Variants in ROCK2 observed in about 807,000 individuals in gnomAD.
The protein encoded by ROCK2 is rho-associated protein kinase 2.
In ROCK2, 61 loss-of-function variants were observed where a neutral mutation model predicts 195.1. The ratio of observed to expected loss-of-function variants is 0.31; its 90% confidence interval spans 0.25 to 0.39. ROCK2 has a LOEUF of 0.39. Among genes scored for constraint, ROCK2 ranks in the 10% least tolerant of loss-of-function variants. ROCK2 has a pLI of 1.00. For synonymous variants in ROCK2, 504 were observed against 545.5 expected, an observed-to-expected ratio of 0.92 and a Z score of 1.06; for missense variants, 1,109 against 1,637.4, an observed-to-expected ratio of 0.68 and a Z score of 5.57.
Position 11,192,593 on chromosome 2 carries a change from A to G in ROCK2, c.3807T>C (p.His1269=), listed in dbSNP as rs1663470590. ...KGHEFIPTLY[H]FPTNCEACMK... ...TACAAGCCTCACAGTTGGTTGGGAAATGATAAAGAGTAGGAATAAACTCAT... is the reference window on the plus strand; with the variant it reads ...TACAAGCCTCACAGTTGGTTGGGAAGTGATAAAGAGTAGGAATAAACTCAT... The change falls in exon 31 of 33, where the codon CAT becomes CAC. Residue 1269 remains histidine (H), a synonymous_variant. Coordinates refer to ENST00000315872, the MANE Select transcript of ROCK2 (RefSeq NM_004850.5). The surrounding 1 kb of genome is among the most constrained non-coding windows in gnomAD (Gnocchi z 5.0). The G allele has an allele frequency of 6.2e-7, 1 of 1,614,008 alleles. No homozygotes were observed. The highest frequency in any genetic ancestry group is 8.5e-7 in the Non-Finnish European group (1 of 1,180,022).
chr2:11,231,033 A>T (rs922057389), intron 5 of ROCK2, among the ~76,000 whole-genome samples: 8 of 152,186 alleles, frequency 5.3e-5, no homozygotes, highest in African/African-American at 1.9e-4. Context: ...TACATTTAAA[A>T]TAATCTGAGA....
At chr2:11,265,412 A>G (rs193042920) in intron 3 of ROCK2, among the ~76,000 whole-genome samples, 1 of 152,314 alleles carries the variant, frequency 6.6e-6, no homozygotes, top group Admixed American at 6.5e-5. Flanking sequence ...CATCATTTAC[A>G]TAATTCTTAA....
intron 1 of ROCK2, among the ~76,000 whole-genome samples, chr2:11,331,476 G>C (rs1668762886): frequency 6.6e-6 from 1 of 152,044 alleles, no homozygotes; most frequent in Non-Finnish European, 1.5e-5. Flanking sequence ...GAAGTATAAA[G>C]ATAAAATTTG....
Position 11,202,064 on chromosome 2 carries a change from T to C in ROCK2, c.2607A>G (p.Glu869=), listed in dbSNP as rs1224515417. The change falls in exon 21 of 33, where the codon GAA becomes GAG. Residue 869 remains glutamate (E), a synonymous_variant. Coordinates refer to ENST00000315872, the MANE Select transcript of ROCK2 (RefSeq NM_004850.5). ...MKELQDQLEA[E]QYFSTLYKTQ... ...GTCTTGAACTTACTGAGAAATACTG[T>C]TCTGCTTCGAGCTGATCCTGGAGCT... 6.2e-7 allele frequency: 1 copy of C among 1,613,658 alleles called. No individual in the cohort carries two copies. Among genetic ancestry groups the C allele is most frequent in the Admixed American group, 1.7e-5 (1 of 60,028 alleles).
At chr2:11,326,349 T>A (rs1668550001) in intron 1 of ROCK2, among the ~76,000 whole-genome samples, 2 of 152,200 alleles carry the variant, frequency 1.3e-5, no homozygotes, top group African/African-American at 4.8e-5. Context: ...AGACAGCAAT[T>A]TGACAAGTGT....
At chr2:11,258,191 G>T (rs1666101921) in intron 3 of ROCK2, among the ~76,000 whole-genome samples, 1 of 151,358 alleles carries the variant, frequency 6.6e-6, no homozygotes, top group African/African-American at 2.5e-5. Context: ...TTGGTACAGA[G>T]TAGATGCTTA....
chr2:11,240,256 G>A (rs559933606), intron 4 of ROCK2, among the ~76,000 whole-genome samples: 20 of 152,246 alleles, frequency 1.3e-4, no homozygotes, highest in African/African-American at 4.6e-4. Flanking sequence ...CTTTTGTAGC[G>A]GTCAGCCCTC....
intron 6 of ROCK2, 128 bp downstream of exon 6, chr2:11,227,126 C>T: frequency 1.2e-6 from 1 of 862,884 alleles, no homozygotes; most frequent in Non-Finnish European, 1.8e-6. Context: ...ACTACTAATT[C>T]AAAGTTTCCA....
Position 11,192,363 on chromosome 2 carries a change from T to A in ROCK2, c.3950-2A>T. The stretch of plus-strand genomic sequence containing the variant: ...TTGCCGTTGAAATATCATAATATAC[T>A]ATAAAGAAAAATTAGAAAAAAAAAT... On this transcript the variant is annotated splice_acceptor_variant, in intron 31 of 32. Coordinates refer to ENST00000315872, the MANE Select transcript of ROCK2 (RefSeq NM_004850.5). LOFTEE classifies it high-confidence loss of function. This position sits in a 1 kb window ranked among gnomAD's most constrained non-coding sequence, Gnocchi z 5.0. The A allele has an allele frequency of 6.3e-7, 1 of 1,598,294 alleles. No homozygotes were observed. Among genetic ancestry groups the A allele is most frequent in the Non-Finnish European group, 8.5e-7 (1 of 1,173,526 alleles).
intron 1 of ROCK2, among the ~76,000 whole-genome samples, chr2:11,306,343 T>C (rs780476670): frequency 5.3e-5 from 8 of 152,212 alleles, no homozygotes; most frequent in African/African-American, 9.7e-5. Context: ...AAAGTAACCT[T>C]TTCTGGGAGA....
intron 4 of ROCK2, among the ~76,000 whole-genome samples, chr2:11,238,209 AG>A (rs1665285774): frequency 7.4e-6 from 1 of 135,266 alleles, no homozygotes; most frequent in Non-Finnish European, 1.6e-5. Context: ...ATTGAGAAAG[AG>A]TGTGTGTGTG....
At chr2:11,204,994 T>A (rs1211823742) in intron 20 of ROCK2, among the ~76,000 whole-genome samples, 1 of 152,204 alleles carries the variant, frequency 6.6e-6, no homozygotes, top group Non-Finnish European at 1.5e-5. Context: ...TGGGAAAAAC[T>A]TTAATCTCTA....
At chr2:11,344,901 C>T (rs951357058), upstream of ROCK2, among the ~76,000 whole-genome samples, 3 of 149,852 alleles carry the variant, frequency 2.0e-5, no homozygotes, top group African/African-American at 7.3e-5. This position sits in a 1 kb window ranked among gnomAD's most constrained non-coding sequence, Gnocchi z 5.4. Flanking sequence ...AGGGGAGACG[C>T]ACCCAGGCCG....
chr2:11,283,614 ATATAC>A (rs1667092544), intron 3 of ROCK2, among the ~76,000 whole-genome samples: 2 of 151,500 alleles, frequency 1.3e-5, no homozygotes, highest in Non-Finnish European at 2.9e-5. Context: ...AAAGGAAAAG[ATATAC>A]AGATGGCAAA....
chr2:11,330,463 T>C (rs1319089503), intron 1 of ROCK2, among the ~76,000 whole-genome samples: 7 of 152,202 alleles, frequency 4.6e-5, no homozygotes, highest in Non-Finnish European at 2.9e-5. Flanking sequence ...TCATATTTAA[T>C]ATACAAAATA....
At chr2:11,231,801 C>T (rs1199278383) in intron 5 of ROCK2, among the ~76,000 whole-genome samples, 1 of 152,022 alleles carries the variant, frequency 6.6e-6, no homozygotes, top group Non-Finnish European at 1.5e-5. Flanking sequence ...CTGATAGTGA[C>T]AAATCATTTT....
chr2:11,315,243 C>A (rs2148237368), intron 1 of ROCK2, among the ~76,000 whole-genome samples: 1 of 152,074 alleles, frequency 6.6e-6, no homozygotes, highest in South Asian at 2.1e-4. Flanking sequence ...ACAAAGAGCA[C>A]CATTACACAG....
At chr2:11,270,418 A>T (rs1339589551) in intron 3 of ROCK2, among the ~76,000 whole-genome samples, 1 of 151,776 alleles carries the variant, frequency 6.6e-6, no homozygotes, top group Non-Finnish European at 1.5e-5. Flanking sequence ...ATTTGGGTAA[A>T]ATTTTCACTA....
chr2:11,287,849 TTGATATGATAGTGTCC>T (rs1395780042), intron 1 of ROCK2, 113 bp from the exon 2 acceptor site: 2 of 401,164 alleles, frequency 5.0e-6, no homozygotes, highest in Non-Finnish European at 9.1e-6. Context: ...CCAACCCACT[TTGATATGATAGTGTCC>T]ATAAGTTCCA....
Sources: allele counts gnomAD v4.1 joint callset (sites outside exome capture counted in the v4.1 genomes callset), GRCh38; gene constraint gnomAD v4.1.1; non-coding constraint Gnocchi (gnomAD v3.1); transcripts MANE v1.5; gene names NCBI Gene and HGNC (gene_info 2026-07-23, HGNC 2026-07-21).